GLMN: variants seen among roughly 807,000 people sequenced by gnomAD.
The protein encoded by GLMN is glomulin.
Under a neutral mutation model 87.8 loss-of-function variants are expected in GLMN, and 75 were observed. The observed-to-expected ratio is 0.85, with a 90% CI of 0.71 to 1.04. GLMN has a LOEUF of 1.04. Ranked by LOEUF, GLMN falls within the 50% of genes least tolerant of loss-of-function variation. GLMN has a pLI of 0.00. For missense variants in GLMN, 588 were observed against 658.8 expected (o/e 0.89, Z 1.18); for synonymous variants, 206 against 221.6 (o/e 0.93, Z 0.63).
intron 16 of GLMN, 35 bp from the exon 17 acceptor site, chr1:92,248,024 A>G (rs1652926589): frequency 2.3e-6 from 2 of 855,408 alleles, no homozygotes; most frequent in Admixed American, 3.4e-5. Flanking sequence ...ATTTAGTTCA[A>G]CAATGATTGA....
the GLMN span, among the ~76,000 whole-genome samples, chr1:92,345,612 T>C: frequency 6.6e-6 from 1 of 152,070 alleles, no homozygotes; most frequent in Admixed American, 6.6e-5. Flanking sequence ...AGTAGTAATA[T>C]TATTAAAAAC....
At chr1:92,320,764 C>T in the GLMN span, 1 of 593,616 alleles carries the variant, frequency 1.7e-6, no homozygotes, top group Non-Finnish European at 3.0e-6. Flanking sequence ...TTCTAGCCCA[C>T]ACAAAGAAAT....
the GLMN span, among the ~76,000 whole-genome samples, chr1:92,319,414 CGTT>C: frequency 6.6e-6 from 1 of 152,200 alleles, no homozygotes; most frequent in Non-Finnish European, 1.5e-5. Context: ...GTAGCTACAT[CGTT>C]GTTATGAGGA....
the GLMN span, among the ~76,000 whole-genome samples, chr1:92,341,069 C>T: frequency 1.3e-5 from 2 of 152,120 alleles, no homozygotes. Flanking sequence ...ACTGCCGTGT[C>T]GTGATCTCAA....
chr1:92,256,881 C>G (rs1208155927), intron 16 of GLMN, among the ~76,000 whole-genome samples: 1 of 151,668 alleles, frequency 6.6e-6, no homozygotes, highest in Non-Finnish European at 1.5e-5. Flanking sequence ...TCCTATTCAA[C>G]ATAGTATTGG....
the GLMN span, among the ~76,000 whole-genome samples, chr1:92,325,628 A>G: frequency 1.3e-5 from 2 of 152,212 alleles, no homozygotes; most frequent in Admixed American, 6.5e-5. Flanking sequence ...AATAGTAATT[A>G]TATGATTTCT....
the GLMN span, among the ~76,000 whole-genome samples, chr1:92,313,696 A>C: frequency 2.0e-4 from 31 of 152,170 alleles, no homozygotes; most frequent in Non-Finnish European, 4.3e-4. Flanking sequence ...TTGATGCCAC[A>C]TATTTACTTC....
chr1:92,358,566 A>C, the GLMN span, among the ~76,000 whole-genome samples: 19 of 152,090 alleles, frequency 1.2e-4, no homozygotes, highest in Middle Eastern at 3.2e-3. Flanking sequence ...CTGTACTTAA[A>C]ATTTTTAGGG....
the GLMN span, among the ~76,000 whole-genome samples, chr1:92,360,959 G>GTTAGTCACATAGTGTACAGCCACTAT: frequency 1.3e-5 from 2 of 151,710 alleles, no homozygotes; most frequent in Admixed American, 6.6e-5. Context: ...GTTTAATTAT[G>GTTAGTCACATAGTGTACAGCCACTAT]GTGACTAACC....
At chr1:92,265,034 G>C (rs1655456635) in intron 13 of GLMN, among the ~76,000 whole-genome samples, 1 of 151,980 alleles carries the variant, frequency 6.6e-6, no homozygotes, top group African/African-American at 2.4e-5. Context: ...GTAGAAACAG[G>C]GTTTCACCAT....
At chr1:92,288,720 C>A (rs558228517) in intron 6 of GLMN, among the ~76,000 whole-genome samples, 194 bp downstream of exon 6, 2 of 152,322 alleles carry the variant, frequency 1.3e-5, no homozygotes, top group South Asian at 4.1e-4. Context: ...TGAGCCACTA[C>A]ACCCGGCCTA....
At chr1:92,279,497 C>T (rs1647708929) in intron 7 of GLMN, among the ~76,000 whole-genome samples, 1 of 148,710 alleles carries the variant, frequency 6.7e-6, no homozygotes, top group Non-Finnish European at 1.5e-5. Flanking sequence ...TCCAAGATGG[C>T]CAAATAGGAA....
chr1:92,250,804 CTTT>C (rs1400575757), intron 16 of GLMN, among the ~76,000 whole-genome samples: 1 of 151,990 alleles, frequency 6.6e-6, no homozygotes, highest in Non-Finnish European at 1.5e-5. Context: ...TAGTTCTTTT[CTTT>C]TTATTATTTT....
the GLMN span, among the ~76,000 whole-genome samples, chr1:92,306,004 A>G: frequency 6.6e-6 from 1 of 152,230 alleles, no homozygotes; most frequent in Non-Finnish European, 1.5e-5. Context: ...ATAGCTGGAT[A>G]AACAATGTCG....
intron 16 of GLMN, among the ~76,000 whole-genome samples, chr1:92,258,902 A>C (rs966824380): frequency 2.0e-5 from 3 of 150,498 alleles, no homozygotes; most frequent in African/African-American, 7.5e-5. Flanking sequence ...AGTATTGAAA[A>C]AAAACCAAAA....
the GLMN span, among the ~76,000 whole-genome samples, chr1:92,328,631 G>A: frequency 2.0e-5 from 3 of 152,136 alleles, no homozygotes; most frequent in Non-Finnish European, 4.4e-5. Context: ...TTGACCTTCT[G>A]AATCCTTTTT....
At chr1:92,341,300 T>C in the GLMN span, among the ~76,000 whole-genome samples, 2 of 152,078 alleles carry the variant, frequency 1.3e-5, no homozygotes, top group South Asian at 4.1e-4. Flanking sequence ...TGAGCCACCA[T>C]ACCTGGCCTG....
At chr1:92,252,057 CA>C (rs1653589434) in intron 16 of GLMN, among the ~76,000 whole-genome samples, 1 of 152,100 alleles carries the variant, frequency 6.6e-6, no homozygotes, top group Non-Finnish European at 1.5e-5. Flanking sequence ...CTCAGCCTCC[CA>C]AAGTGCTGGG....
At position 92,288,872 on chromosome 1, in the gene GLMN, T is replaced by TTA. The variant is rs1649080412; in HGVS notation, c.632+40_632+41dup. On this transcript the variant is annotated intron_variant, in intron 6 of 18. Transcript: ENST00000370360. ...AAACATAAAATAACTGAACTATCAA[T>TTA]TACTTAAGTCCACTGTGAGATGTTC... 5.4e-6 allele frequency: 5 copies of TTA among 932,408 alleles called. No homozygotes were observed. In the South Asian group the frequency reaches 6.5e-5, roughly 12 times the overall value. 57.8% of individuals were successfully genotyped at this position (932,408 alleles called of 1,614,324 possible).
Sources: allele counts gnomAD v4.1 joint callset (sites outside exome capture counted in the v4.1 genomes callset), GRCh38; gene constraint gnomAD v4.1.1; transcripts MANE v1.5; gene names NCBI Gene and HGNC (gene_info 2026-07-23, HGNC 2026-07-21).